The following ARPP21 variants were observed in gnomAD, a reference collection of about 807,000 sequenced individuals.
The protein encoded by ARPP21 is cAMP regulated phosphoprotein 21.
A neutral mutation model predicts 113.2 loss-of-function variants in ARPP21; 69 were observed. The observed-to-expected ratio is 0.61, with a 90% CI of 0.50 to 0.74. The LOEUF is 0.74. Among genes scored for constraint, ARPP21 ranks in the 30% least tolerant of loss-of-function variants. The pLI is 0.00. For missense variants in ARPP21, 1,070 were observed against 1,037.4 expected (o/e 1.03, Z -0.43); for synonymous variants, 368 against 375.5 (o/e 0.98, Z 0.23).
At chr3:35,737,110 A>G (rs555342876) in intron 15 of ARPP21, 68 bp from the exon 16 acceptor site, 2 of 917,688 alleles carry the variant, frequency 2.2e-6, no homozygotes, top group Admixed American at 3.9e-5. Context: ...AGTATCTAAC[A>G]GAGTGGTTCT....
chr3:35,728,593 G>T (rs570024710), intron 14 of ARPP21, among the ~76,000 whole-genome samples: 9 of 151,058 alleles, frequency 6.0e-5, no homozygotes, highest in African/African-American at 2.2e-4. Flanking sequence ...AACATTCAAT[G>T]GTTTAAAGTT....
chr3:35,650,464 A>G (rs907105865), intron 1 of ARPP21: 4 of 152,184 alleles, frequency 2.6e-5, no homozygotes, highest in Admixed American at 1.3e-4. Flanking sequence ...ACAAAAATCC[A>G]AAGTGATAGG....
chr3:35,748,114 A>AAAGAAAGAAAGAAAG lies in ARPP21; in HGVS notation c.2137+4163_2137+4164insGAAGAAAGAAAGAAA, dbSNP rs1559838087. 1.9e-3 allele frequency among the ~76,000 whole-genome samples: 175 copies of AAAGAAAGAAAGAAAG among 90,724 alleles called. 1 individual carries two copies. Among genetic ancestry groups the AAAGAAAGAAAGAAAG allele is most frequent in the African/African-American group, 2.5e-3 (45 of 17,780 alleles). 59.5% of individuals were successfully genotyped at this position (90,724 alleles called of 152,430 possible). ...AGAAAGAAAGAAAGAAAGAAAGAAG[A>AAAGAAAGAAAGAAAG]AAGAAAGAAAGAAAAGAAAGAAAGG... On this transcript the variant is annotated intron_variant, in intron 19 of 20. Transcript: ENST00000684406.
At chr3:35,734,091 G>A (rs1420232743) in intron 15 of ARPP21, among the ~76,000 whole-genome samples, 2 of 152,152 alleles carry the variant, frequency 1.3e-5, no homozygotes, top group African/African-American at 4.8e-5. Flanking sequence ...ACATGTGTAT[G>A]TGCGTATGTG....
intron 9 of ARPP21, among the ~76,000 whole-genome samples, chr3:35,701,476 A>G (rs2086364146): frequency 6.6e-6 from 1 of 151,740 alleles, no homozygotes; most frequent in Admixed American, 6.6e-5. Context: ...CGCCAACACC[A>G]TGCTCAATAT....
chr3:35,767,457 T>G (rs562031198), intron 19 of ARPP21, among the ~76,000 whole-genome samples: 1 of 152,286 alleles, frequency 6.6e-6, no homozygotes, highest in Admixed American at 6.5e-5. Flanking sequence ...TTAATATTTA[T>G]AAATTAATTT....
At chr3:35,681,378 G>T (rs2078877344) in intron 2 of ARPP21, 1 of 166,220 alleles carries the variant, frequency 6.0e-6, no homozygotes, top group Admixed American at 5.9e-5. Flanking sequence ...TTGTTCAAAA[G>T]TTGGAGAAAT....
At chr3:35,704,647 T>C (rs894281184) in intron 9 of ARPP21, among the ~76,000 whole-genome samples, 3 of 152,058 alleles carry the variant, frequency 2.0e-5, no homozygotes, top group African/African-American at 7.2e-5. Flanking sequence ...AACCAAATTA[T>C]CTTCTGATTT....
At chr3:35,767,707 A>T (rs146867997) in intron 19 of ARPP21, among the ~76,000 whole-genome samples, 110 of 152,254 alleles carry the variant, frequency 7.2e-4, no homozygotes, top group Non-Finnish European at 8.8e-4. Context: ...AGACTTTTCC[A>T]TGCAGCTCTG....
At chr3:35,671,968 C>T (rs17201669) in intron 1 of ARPP21, among the ~76,000 whole-genome samples, 15,776 of 152,018 alleles carry the variant, frequency 0.1, 862 homozygotes, top group Non-Finnish European at 0.12. Context: ...GTTCAGCACT[C>T]TCCTTTTATC....
At chr3:35,665,854 T>A (rs1169792078) in intron 1 of ARPP21, among the ~76,000 whole-genome samples, 1 of 152,182 alleles carries the variant, frequency 6.6e-6, no homozygotes, top group East Asian at 1.9e-4. Flanking sequence ...TTAGTTAGTG[T>A]ATGCACAATA....
intron 14 of ARPP21, among the ~76,000 whole-genome samples, chr3:35,725,312 G>A (rs781730168): frequency 8.5e-5 from 13 of 152,168 alleles, no homozygotes; most frequent in African/African-American, 1.2e-4. Flanking sequence ...AGTGGCAAGA[G>A]GCTAGGAGAT....
chr3:35,676,374 C>A (rs910231262), intron 1 of ARPP21, among the ~76,000 whole-genome samples: 1 of 152,102 alleles, frequency 6.6e-6, no homozygotes, highest in East Asian at 1.9e-4. Flanking sequence ...CTATATATAA[C>A]CTTCTACATG....
chr3:35,657,863 A>G (rs1214413345), intron 1 of ARPP21, among the ~76,000 whole-genome samples: 6 of 152,076 alleles, frequency 3.9e-5, no homozygotes, highest in Admixed American at 3.9e-4. Context: ...ATATGACAAC[A>G]TTTGGGCCTT....
chr3:35,672,545 G>A (rs1403731890), intron 1 of ARPP21, among the ~76,000 whole-genome samples: 1 of 152,068 alleles, frequency 6.6e-6, no homozygotes, highest in Non-Finnish European at 1.5e-5. Flanking sequence ...TTAGAATCCA[G>A]GTAGGGCTTT....
chr3:35,676,907 A>T (rs538375640), intron 1 of ARPP21, among the ~76,000 whole-genome samples: 1 of 152,018 alleles, frequency 6.6e-6, no homozygotes, highest in East Asian at 1.9e-4. Flanking sequence ...ATATTTATAT[A>T]TCTATGTGGC....
chr3:35,738,900 G>A (rs1047139738), intron 17 of ARPP21, among the ~76,000 whole-genome samples: 52 of 152,128 alleles, frequency 3.4e-4, no homozygotes, highest in African/African-American at 1.2e-3. Flanking sequence ...AACAGCACTG[G>A]GGATGATGAG....
intron 19 of ARPP21, chr3:35,792,093 G>A (rs2096759040): frequency 3.7e-6 from 1 of 270,252 alleles, no homozygotes; most frequent in African/African-American, 2.2e-5. Flanking sequence ...GGTATCAATA[G>A]AGTCTTCTGT....
chr3:35,664,000 G>A (rs1034154998), intron 1 of ARPP21, among the ~76,000 whole-genome samples: 2 of 152,128 alleles, frequency 1.3e-5, no homozygotes, highest in African/African-American at 4.8e-5. Flanking sequence ...CTGTCCAGTC[G>A]TCCGTGTTCT....
Sources: gnomAD v4.1 joint callset for allele counts (sites outside exome capture counted in the v4.1 genomes callset) on GRCh38, gnomAD v4.1.1 for gene constraint, MANE v1.5 for transcripts, NCBI Gene and HGNC (gene_info 2026-07-23, HGNC 2026-07-21) for gene names.